Variants in HEATR1 observed in about 807,000 individuals in gnomAD.
HEATR1 encodes HEAT repeat containing 1, also known as HEAT repeat-containing protein 1.
In HEATR1, 77 loss-of-function variants were observed where a neutral mutation model predicts 248.2. That is an observed-to-expected ratio of 0.31 (90% confidence interval 0.26 to 0.37). The LOEUF (loss-of-function observed/expected upper bound fraction) is 0.37. HEATR1 is among the 10% of genes least tolerant of loss of function. HEATR1 has a pLI of 1.00. For synonymous variants in HEATR1, 897 were observed against 923.1 expected (o/e 0.97, Z 0.51); for missense variants, 2,420 against 2,504.9 (o/e 0.97, Z 0.72).
At chr1:236,582,147 C>A (rs1663766773) in intron 19 of HEATR1, among the ~76,000 whole-genome samples, 1 of 152,116 alleles carries the variant, frequency 6.6e-6, no homozygotes, top group African/African-American at 2.4e-5. Context: ...CTCTGTCGCC[C>A]AGGCTGGAGT....
chr1:236,596,199 CT>C, intron 6 of HEATR1, among the ~76,000 whole-genome samples, 155 bp from the exon 7 acceptor site: 1 of 152,274 alleles, frequency 6.6e-6, no homozygotes, highest in East Asian at 1.9e-4. Flanking sequence ...GAGCTGACCC[CT>C]TTTTCAGAGT....
intron 38 of HEATR1, 60 bp downstream of exon 38, chr1:236,556,040 T>G (rs549818696): frequency 6.2e-7 from 1 of 1,608,138 alleles, no homozygotes; most frequent in Admixed American, 1.7e-5. Flanking sequence ...AAGTCAAAGT[T>G]TACACATTGC....
chr1:236,570,310 A>C (rs574490986), intron 28 of HEATR1, among the ~76,000 whole-genome samples: 1 of 152,296 alleles, frequency 6.6e-6, no homozygotes, highest in Non-Finnish European at 1.5e-5. Context: ...ACAAACAAAC[A>C]AAAACATTAT....
intron 10 of HEATR1, 35 bp from the exon 11 acceptor site, chr1:236,592,145 T>A: frequency 9.2e-7 from 1 of 1,090,830 alleles, no homozygotes; most frequent in Non-Finnish European, 1.4e-6. Context: ...TCATTATTCT[T>A]AATAAATTTA....
rs887259459 is a variant in HEATR1 at position 236,564,634 on chromosome 1, T to C, written c.4463A>G (p.Asn1488Ser). The C allele has an allele frequency of 4.3e-6, 7 of 1,612,940 alleles. No individual in the cohort carries two copies. Among genetic ancestry groups the C allele is most frequent in the East Asian group, 2.2e-5 (1 of 44,868 alleles). ...CATTTCTTCTTGTGATTCACTCTTATTAAATGACACTGCTTTGGGAATGGT... is the reference window on the plus strand; with the variant it reads ...CATTTCTTCTTGTGATTCACTCTTACTAAATGACACTGCTTTGGGAATGGT... The part of the protein sequence containing the change: ...EETIPKAVSF[N>S]KSESQEEMLQ... The change falls in exon 32 of 45, where the codon AAT (asparagine) becomes AGT (serine). Residue 1488 changes from asparagine to serine, a missense_variant. Asn to Ser is a conservative substitution (Grantham distance 46). Transcript: ENST00000366582.
chr1:236,569,091 T>C lies in HEATR1; in HGVS notation c.3982A>G (p.Thr1328Ala). 6.2e-7 allele frequency: 1 copy of C among 1,602,294 alleles called. No individual in the cohort carries two copies. The change falls in exon 29 of 45, where the codon ACA (threonine) becomes GCA (alanine). Residue 1328 changes from threonine to alanine, a missense_variant. By Grantham distance (58) the Thr-to-Ala change is moderately conservative. Transcript: ENST00000366582. The part of the protein sequence containing the change: ...KVLHNIMSIF[T>A]FMGANVMRLD... ...CGCATGACATTGGCTCCCATAAATGTAAAAATAGACATGATATTGTGTAAA... is the reference window on the plus strand; with the variant it reads ...CGCATGACATTGGCTCCCATAAATGCAAAAATAGACATGATATTGTGTAAA...
intron 42 of HEATR1, 141 bp downstream of exon 42, chr1:236,554,457 A>C: frequency 1.4e-6 from 1 of 724,522 alleles, no homozygotes; most frequent in Non-Finnish European, 2.3e-6. Flanking sequence ...ATTTTCAAAT[A>C]AAACATTTCA....
chr1:236,558,220 A>G lies in HEATR1; in HGVS notation c.5204+17T>C, dbSNP rs773145881. The G allele has an allele frequency of 6.2e-7, 1 of 1,600,914 alleles. No individual in the cohort carries two copies. Among genetic ancestry groups the G allele is most frequent in the South Asian group, 1.1e-5 (1 of 89,512 alleles). ...CCAGGCGGTAACAGCTCCTGTTCCA[A>G]GTCTCCGGCCGCATACCTGGGAAGC... On this transcript the variant is annotated intron_variant, in intron 36 of 44. Transcript: ENST00000366582.
At chr1:236,555,014 A>C (rs1297281143) in intron 41 of HEATR1, among the ~76,000 whole-genome samples, 1 of 152,250 alleles carries the variant, frequency 6.6e-6, no homozygotes, top group African/African-American at 2.4e-5. Context: ...ATTAGAGAAT[A>C]AACTAATCTT....
At chr1:236,590,628 G>A (rs1308969093) in intron 12 of HEATR1, among the ~76,000 whole-genome samples, 2 of 152,130 alleles carry the variant, frequency 1.3e-5, no homozygotes, top group African/African-American at 4.8e-5. Flanking sequence ...ATAAACAACT[G>A]TCAATGTGGA....
chr1:236,550,937 T>C lies in HEATR1; in HGVS notation c.6400A>G (p.Thr2134Ala), dbSNP rs1408715279. 6.2e-7 allele frequency: 1 copy of C among 1,610,362 alleles called. No homozygotes were observed. ...CTCTGGAGTGGCTCTCCCAGGACAG[T>C]TTCCAGTTGCTGAATAGTCTTTTGG... ...QCQKTIQQLE[T>A]VLGEPLQSYF The change falls in exon 45 of 45, where the codon ACT becomes GCT. Residue 2134 changes from threonine (T) to alanine (A), a missense_variant. Transcript: ENST00000366582.
intron 5 of HEATR1, among the ~76,000 whole-genome samples, chr1:236,597,548 TG>T (rs1418224330): frequency 2.6e-5 from 4 of 152,310 alleles, no homozygotes; most frequent in African/African-American, 9.6e-5. Context: ...CCACCGCACC[TG>T]GCCTTAAAAT....
chr1:236,584,335 T>A (rs1222833622), intron 17 of HEATR1, among the ~76,000 whole-genome samples: 1 of 152,148 alleles, frequency 6.6e-6, no homozygotes, highest in Non-Finnish European at 1.5e-5. Flanking sequence ...ATATGAAGAT[T>A]TTACTCTTTT....
chr1:236,586,333 T>C lies in HEATR1; in HGVS notation c.1835A>G (p.Asp612Gly). The change falls in exon 15 of 45, where the codon GAT becomes GGT. Residue 612 changes from aspartate (D) to glycine (G), a missense_variant. Physicochemically the swap from Asp to Gly is moderately conservative, Grantham distance 94. Transcript: ENST00000366582. The stretch of plus-strand genomic sequence containing the variant: ...TTTCATCTCAGCAGATTCCGTATCA[T>C]CATTATTGATAACCATAAATGGCAG... ...CLLPFMVINNDDTESAEMKIA... is the reference protein window; with the variant it reads ...CLLPFMVINNGDTESAEMKIA... The C allele has an allele frequency of 6.2e-7, 1 of 1,613,048 alleles. No homozygotes were observed. Among genetic ancestry groups the C allele is most frequent in the Non-Finnish European group, 8.5e-7 (1 of 1,179,074 alleles).
At chr1:236,572,677 CAG>C (rs776597322) in intron 25 of HEATR1, 46 bp downstream of exon 25, 2 of 1,598,212 alleles carry the variant, frequency 1.3e-6, no homozygotes, top group South Asian at 1.1e-5. Flanking sequence ...TCATAACATT[CAG>C]AGTCAGGGAA....
At chr1:236,588,967 A>G (rs1265384994) in intron 12 of HEATR1, among the ~76,000 whole-genome samples, 1 of 152,214 alleles carries the variant, frequency 6.6e-6, no homozygotes, top group Non-Finnish European at 1.5e-5. Context: ...TCAAGAGCTA[A>G]TAAGCAGCCA....
Position 236,569,894 on chromosome 1 carries a change from C to T in HEATR1, c.3949-770G>A, listed in dbSNP as rs568993657. Among the ~76,000 whole-genome samples, 20 of 152,208 alleles carry T rather than the reference C, an allele frequency of 1.3e-4. No homozygotes were observed. The South Asian group carries it at 2.3e-3, about 17-fold the overall frequency. On this transcript the variant is annotated intron_variant, in intron 28 of 44. Coordinates refer to ENST00000366582, the MANE Select transcript of HEATR1 (RefSeq NM_018072.6). Reference sequence around the variant, plus strand: ...TGAAACAACCCAAATGTCCATCAACCGATGAACAGATAAACAAAATGTGGC... The same window carrying T: ...TGAAACAACCCAAATGTCCATCAACTGATGAACAGATAAACAAAATGTGGC...
intron 32 of HEATR1, among the ~76,000 whole-genome samples, chr1:236,563,807 G>T (rs1663199654): frequency 6.6e-6 from 1 of 152,040 alleles, no homozygotes; most frequent in African/African-American, 2.4e-5. Flanking sequence ...CATACATGCA[G>T]AACTCACTAT....
rs76073611 is a variant in HEATR1 at position 236,571,602 on chromosome 1, T to G, written c.3792A>C (p.Gln1264His). Reference sequence around the variant, plus strand: ...TTTTGCCACCATCTGGAGATAGTTTTTGGCAGATGTTGAGCAGACAACTAA... The same window carrying G: ...TTTTGCCACCATCTGGAGATAGTTTGTGGCAGATGTTGAGCAGACAACTAA... ...LILSCLLNIC[Q>H]KLSPDGGKIP... The change falls in exon 27 of 45, where the codon CAA (glutamine) becomes CAC (histidine). Residue 1264 changes from glutamine to histidine, a missense_variant. Physicochemically the swap from Gln to His is conservative, Grantham distance 24 (BLOSUM62 0). Transcript: ENST00000366582. 854 of 1,614,096 alleles carry G rather than the reference T, an allele frequency of 5.3e-4. 3 individuals carry two copies. In the African/African-American group the frequency reaches 9.2e-3, roughly 17 times the overall value.
Sources: allele counts gnomAD v4.1 joint callset (sites outside exome capture counted in the v4.1 genomes callset), GRCh38; gene constraint gnomAD v4.1.1; transcripts MANE v1.5; gene names NCBI Gene and HGNC (gene_info 2026-07-23, HGNC 2026-07-21).